The following GCNT1 variants were observed in gnomAD, a reference collection of about 807,000 sequenced individuals.
GCNT1 encodes glucosaminyl (N-acetyl) transferase 1.
GCNT1 carries 16 observed loss-of-function variants against 26.2 expected under a neutral mutation model. The ratio of observed to expected loss-of-function variants is 0.61; its 90% CI spans 0.41 to 0.93. The LOEUF (loss-of-function observed/expected upper bound fraction) is 0.93. Among genes scored for constraint, GCNT1 ranks in the 40% least tolerant of loss-of-function variants. GCNT1 has a pLI of 0.00. For synonymous variants in GCNT1, 183 were observed against 190.8 expected (o/e 0.96, Z 0.34); for missense variants, 477 against 526.7 (o/e 0.91, Z 0.92).
upstream of GCNT1, among the ~76,000 whole-genome samples, chr9:76,438,802 A>C (rs1015565746): frequency 3.3e-5 from 5 of 151,776 alleles, no homozygotes; most frequent in Admixed American, 2.6e-4. Flanking sequence ...CCAATGAGAA[A>C]AAAAAAAAAA....
chr9:76,459,218 G>C lies in GCNT1; in HGVS notation c.-495G>C, dbSNP rs947439877. The C allele has an allele frequency of 6.6e-6, 1 of 152,554 alleles. No individual in the cohort carries two copies. Among genetic ancestry groups the C allele is most frequent in the Admixed American group, 6.5e-5 (1 of 15,292 alleles). The allele number at this position is 152,554 out of a possible 1,614,324, so 9.5% of individuals were successfully genotyped here. ...AGGGCTGCAGGCGCAGCTCCGGAGCGCCTAGAGCGCGGCGCGGGGCGGGAG... is the reference window on the plus strand; with the variant it reads ...AGGGCTGCAGGCGCAGCTCCGGAGCCCCTAGAGCGCGGCGCGGGGCGGGAG... On this transcript the variant is annotated 5_prime_UTR_variant, in exon 1 of 4. Coordinates refer to ENST00000376730, the MANE Select transcript of GCNT1 (RefSeq NM_001490.5).
At chr9:76,400,281 T>C in the GCNT1 span, among the ~76,000 whole-genome samples, 1 of 152,178 alleles carries the variant, frequency 6.6e-6, no homozygotes, top group African/African-American at 2.4e-5. Context: ...ATTTCTGACT[T>C]GGAGTCTGAC....
chr9:76,490,352 T>C (rs1011944335), intron 2 of GCNT1, among the ~76,000 whole-genome samples: 2 of 152,154 alleles, frequency 1.3e-5, no homozygotes, highest in African/African-American at 4.8e-5. Flanking sequence ...TCTTGCAAAC[T>C]GTATGAGAAA....
upstream of GCNT1, among the ~76,000 whole-genome samples, chr9:76,417,628 G>C (rs923064478): frequency 3.3e-5 from 5 of 152,168 alleles, no homozygotes; most frequent in Admixed American, 2.6e-4. Flanking sequence ...CTCCCAACAG[G>C]AAACTCCTTT....
the GCNT1 span, among the ~76,000 whole-genome samples, chr9:76,405,880 G>T: frequency 6.6e-6 from 1 of 152,158 alleles, no homozygotes; most frequent in Non-Finnish European, 1.5e-5. Context: ...TGTGAATATA[G>T]GTTTTCAATT....
chr9:76,468,541 C>A (rs1299047388), intron 2 of GCNT1, among the ~76,000 whole-genome samples: 1 of 152,184 alleles, frequency 6.6e-6, no homozygotes, highest in Non-Finnish European at 1.5e-5. Flanking sequence ...CTGCTTTAGT[C>A]TGTAGAAGCT....
At chr9:76,478,231 T>A (rs1397276043) in intron 2 of GCNT1, among the ~76,000 whole-genome samples, 1 of 152,232 alleles carries the variant, frequency 6.6e-6, no homozygotes, top group African/African-American at 2.4e-5. Context: ...TAAATCTTGC[T>A]GTTGGTCACT....
intron 2 of GCNT1, among the ~76,000 whole-genome samples, chr9:76,487,729 G>C (rs1022183365): frequency 5.9e-5 from 9 of 151,936 alleles, no homozygotes; most frequent in Non-Finnish European, 8.8e-5. Context: ...CCCTTTCTTG[G>C]TTAATAATGC....
At chr9:76,425,787 G>C (rs1337811851) in intron 1 of GCNT1, among the ~76,000 whole-genome samples, 3 of 152,250 alleles carry the variant, frequency 2.0e-5, no homozygotes, top group Admixed American at 6.5e-5. Flanking sequence ...GGTGAGTCAA[G>C]AGCGCTGATT....
At chr9:76,489,407 C>T (rs1056945507) in intron 2 of GCNT1, among the ~76,000 whole-genome samples, 2 of 152,140 alleles carry the variant, frequency 1.3e-5, no homozygotes, top group Non-Finnish European at 2.9e-5. Flanking sequence ...AAAGAGTGAG[C>T]AGCAGCAAGA....
At chr9:76,396,611 G>A in the GCNT1 span, among the ~76,000 whole-genome samples, 2 of 152,264 alleles carry the variant, frequency 1.3e-5, no homozygotes, top group African/African-American at 4.8e-5. Flanking sequence ...GGAGGCTGAG[G>A]CCGGTGGATC....
At chr9:76,461,612 G>A (rs1823872092) in intron 2 of GCNT1, among the ~76,000 whole-genome samples, 1 of 150,766 alleles carries the variant, frequency 6.6e-6, no homozygotes, top group African/African-American at 2.4e-5. Context: ...AAGAGCCTGG[G>A]CATGGTGGCT....
intron 2 of GCNT1, among the ~76,000 whole-genome samples, chr9:76,482,310 A>G (rs1480337123): frequency 6.6e-6 from 1 of 151,998 alleles, no homozygotes; most frequent in Admixed American, 6.6e-5. Context: ...AAAATTTTCT[A>G]GTAGCAGCAT....
upstream of GCNT1, among the ~76,000 whole-genome samples, chr9:76,417,830 G>A (rs1347435157): frequency 6.6e-6 from 1 of 152,172 alleles, no homozygotes; most frequent in African/African-American, 2.4e-5. Flanking sequence ...TCATGGCAAA[G>A]CTCACACATC....
At position 76,503,894 on chromosome 9, in the gene GCNT1, G is replaced by T. The variant is rs921879624; in HGVS notation, c.*226G>T. 3.7e-6 allele frequency: 2 copies of T among 546,828 alleles called. No homozygotes were observed. The highest frequency in any genetic ancestry group is 6.8e-6 in the Non-Finnish European group (2 of 295,108). 33.9% of individuals were successfully genotyped at this position (546,828 alleles called of 1,614,324 possible). A position where few individuals can be genotyped will look rare whatever the true frequency, so the allele number is the denominator to read the frequency against. On this transcript the variant is annotated 3_prime_UTR_variant, in exon 4 of 4. Coordinates refer to ENST00000376730, the MANE Select transcript of GCNT1 (RefSeq NM_001490.5). Reference sequence around the variant, plus strand: ...AGAGTTAATAGTGGGAGGAGTAAAGGTAGCCTTGAGGCCAGAGCAGGTAGC... The same window carrying T: ...AGAGTTAATAGTGGGAGGAGTAAAGTTAGCCTTGAGGCCAGAGCAGGTAGC...
intron 1 of GCNT1, among the ~76,000 whole-genome samples, chr9:76,459,694 A>G (rs1206122535): frequency 6.6e-6 from 1 of 152,086 alleles, no homozygotes; most frequent in African/African-American, 2.4e-5. Flanking sequence ...ACTTCATTGA[A>G]TCCTAACGCC....
rs1436901785 is a variant in GCNT1 at position 76,505,902 on chromosome 9, CTG to C, written c.*2236_*2237del. ...TATTTCCCCAAGCGCCACATTATAA[CTG>C]TAAACTTACCATCTTCTATGTAGCT... On this transcript the variant is annotated 3_prime_UTR_variant, in exon 4 of 4. Transcript: ENST00000376730. The C allele has an allele frequency of 1.2e-5, 2 of 166,374 alleles. No individual in the cohort carries two copies. The highest frequency in any genetic ancestry group is 3.4e-3 in the Middle Eastern group (1 of 296). 10.3% of individuals were successfully genotyped at this position (166,374 alleles called of 1,614,324 possible). A position where few individuals can be genotyped will look rare whatever the true frequency, so the allele number is the denominator to read the frequency against.
chr9:76,444,610 A>G (rs1240206308), intron 1 of GCNT1, among the ~76,000 whole-genome samples: 4 of 152,254 alleles, frequency 2.6e-5, no homozygotes, highest in Non-Finnish European at 4.4e-5. Context: ...GGACAGGGGC[A>G]GTTTCCCTAG....
chr9:76,443,876 G>GGAAA lies in GCNT1; in HGVS notation c.-290+1583_-290+1586dup, dbSNP rs145373981. Among the ~76,000 whole-genome samples, 70 of 54,384 alleles carry GGAAA rather than the reference G, an allele frequency of 1.3e-3. 4 individuals are homozygous for GGAAA. Among genetic ancestry groups the GGAAA allele is most frequent in the South Asian group, 2.5e-3 (5 of 2,018 alleles). 35.7% of individuals were successfully genotyped at this position (54,384 alleles called of 152,430 possible). A position where few individuals can be genotyped will look rare whatever the true frequency, so the allele number is the denominator to read the frequency against. On this transcript the variant is annotated intron_variant, in intron 1 of 2. Coordinates refer to the GCNT1 transcript ENST00000442371. ...CAGAGTGAGACTCTGTCTAAAAAAA[G>GGAAA]GAAAGAAAGAAAGAAAGAAAGAAAG...
Sources: gnomAD v4.1 joint callset for allele counts (sites outside exome capture counted in the v4.1 genomes callset) on GRCh38, gnomAD v4.1.1 for gene constraint, MANE v1.5 for transcripts, NCBI Gene and HGNC (gene_info 2026-07-23, HGNC 2026-07-21) for gene names.